Variants in CAST observed in about 807,000 individuals in gnomAD.
The protein encoded by CAST is calpastatin.
CAST carries 76 observed loss-of-function variants against 119.6 expected under a neutral mutation model. That is an observed-to-expected ratio of 0.64 (90% CI 0.53 to 0.77). The LOEUF (loss-of-function observed/expected upper bound fraction) is 0.77. Among genes scored for constraint, CAST ranks in the 30% least tolerant of loss-of-function variants. CAST has a pLI of 0.00. For synonymous variants in CAST, 319 were observed against 331.6 expected, an observed-to-expected ratio of 0.96 and a Z score of 0.41; for missense variants, 953 against 946.5, an observed-to-expected ratio of 1.01 and a Z score of -0.09.
chr5:96,292,094 C>A, the CAST span, among the ~76,000 whole-genome samples: 1 of 152,014 alleles, frequency 6.6e-6, no homozygotes, highest in African/African-American at 2.4e-5. Context: ...GAGGCAAACA[C>A]TGGAAGAAAA....
chr5:96,478,319 C>T, the CAST span, among the ~76,000 whole-genome samples: 4 of 152,212 alleles, frequency 2.6e-5, no homozygotes, highest in East Asian at 7.7e-4. Flanking sequence ...GCATTTCATG[C>T]CTCATTTTAA....
chr5:96,637,265 AGT>A (rs1400132869), intron 1 of CAST, among the ~76,000 whole-genome samples: 1 of 152,226 alleles, frequency 6.6e-6, no homozygotes, highest in Non-Finnish European at 1.5e-5. Flanking sequence ...TATAAGGGGT[AGT>A]TCCATTTCAC....
At chr5:96,696,541 C>T (rs979671217) in intron 3 of CAST, among the ~76,000 whole-genome samples, 9 of 151,998 alleles carry the variant, frequency 5.9e-5, no homozygotes, top group Admixed American at 3.3e-4. Flanking sequence ...CCTCACCTTT[C>T]GAGGCAAGAA....
In CAST at chr5:96,598,162, C is replaced by T. The variant is rs543848843; in HGVS notation, c.60+68282C>T. On this transcript the variant is annotated intron_variant, in intron 1 of 11. Transcript: ENST00000505143. Reference sequence around the variant, plus strand: ...CATACATAACAAAATGGTAGTGCTTCTCTATAAATAAGCTCTGGCTCCTCT... The same window carrying T: ...CATACATAACAAAATGGTAGTGCTTTTCTATAAATAAGCTCTGGCTCCTCT... 3.3e-5 allele frequency among the ~76,000 whole-genome samples: 5 copies of T among 152,322 alleles called. No homozygotes were observed. The East Asian group carries it at 7.7e-4, about 23-fold the overall frequency.
the CAST span, chr5:96,415,961 T>TC: frequency 4.3e-6 from 4 of 935,636 alleles, no homozygotes; most frequent in Non-Finnish European, 7.1e-6. Context: ...AAAGCTCCCC[T>TC]CCCCCATTTA....
the CAST span, among the ~76,000 whole-genome samples, chr5:96,394,336 A>T: frequency 7.9e-5 from 12 of 152,248 alleles, no homozygotes; most frequent in Non-Finnish European, 1.3e-4. Flanking sequence ...ATCCTCTGAA[A>T]TTTTTTGAGA....
the CAST span, among the ~76,000 whole-genome samples, chr5:96,108,113 T>G: frequency 2.6e-5 from 4 of 151,994 alleles, no homozygotes; most frequent in African/African-American, 7.2e-5. Context: ...GTTATTCTAG[T>G]TATACATTCT....
the CAST span, among the ~76,000 whole-genome samples, chr5:96,147,916 G>A: frequency 3.3e-5 from 5 of 152,218 alleles, no homozygotes; most frequent in Admixed American, 3.3e-4. Context: ...CCATCCACAT[G>A]AATCCCACTG....
At chr5:96,326,558 T>G in the CAST span, among the ~76,000 whole-genome samples, 2 of 151,982 alleles carry the variant, frequency 1.3e-5, no homozygotes, top group Non-Finnish European at 2.9e-5. Context: ...CTGTTGATCA[T>G]TCTCTTCACT....
chr5:96,219,822 AAGAAAG>A, the CAST span, among the ~76,000 whole-genome samples: 1 of 152,102 alleles, frequency 6.6e-6, no homozygotes, highest in Non-Finnish European at 1.5e-5. Flanking sequence ...AGAAAAGGAA[AAGAAAG>A]AGAAAGGTAG....
At chr5:96,240,847 A>G in the CAST span, among the ~76,000 whole-genome samples, 1 of 151,362 alleles carries the variant, frequency 6.6e-6, no homozygotes, top group South Asian at 2.1e-4. Flanking sequence ...TCACTACAGA[A>G]CTATTTGCTA....
chr5:96,432,300 A>G, the CAST span: 1 of 626,334 alleles, frequency 1.6e-6, no homozygotes, highest in Non-Finnish European at 2.8e-6. Context: ...CGGCCTCCCA[A>G]CCTCCTGGTC....
At chr5:96,381,712 G>GTTTGC in the CAST span, among the ~76,000 whole-genome samples, 1 of 152,192 alleles carries the variant, frequency 6.6e-6, no homozygotes, top group South Asian at 2.1e-4. Flanking sequence ...TAGGGGAGCT[G>GTTTGC]TTTGCTTTGC....
At chr5:96,754,201 T>C (rs183804946) in intron 21 of CAST, 40 bp downstream of exon 21, 30 of 1,150,798 alleles carry the variant, frequency 2.6e-5, no homozygotes, top group Middle Eastern at 1.9e-4. Flanking sequence ...TAAATATCAT[T>C]GATCACCTTC....
At chr5:96,169,699 C>A in the CAST span, among the ~76,000 whole-genome samples, 1 of 151,814 alleles carries the variant, frequency 6.6e-6, no homozygotes, top group Non-Finnish European at 1.5e-5. Flanking sequence ...GATCGGTCAC[C>A]AAGGAGGGAA....
chr5:96,499,170 C>CT, the CAST span, among the ~76,000 whole-genome samples: 9 of 152,052 alleles, frequency 5.9e-5, no homozygotes, highest in Non-Finnish European at 8.8e-5. Context: ...CCTGCTAAAC[C>CT]TTTTTTAACG....
the CAST span, among the ~76,000 whole-genome samples, chr5:96,018,909 T>G: frequency 6.6e-6 from 1 of 152,154 alleles, no homozygotes; most frequent in East Asian, 1.9e-4. Flanking sequence ...CTACAAGAAG[T>G]TTAAGTAAAT....
intron 1 of CAST, among the ~76,000 whole-genome samples, chr5:96,588,498 C>A (rs186331680): frequency 2.6e-4 from 39 of 152,266 alleles, no homozygotes; most frequent in African/African-American, 8.7e-4. Context: ...CGGTACCCGG[C>A]TTAAATTCAT....
chr5:96,621,220 A>C (rs1305645776), intron 1 of CAST, among the ~76,000 whole-genome samples: 1 of 152,218 alleles, frequency 6.6e-6, no homozygotes, highest in African/African-American at 2.4e-5. Flanking sequence ...TCATTAAAGG[A>C]AATTCACACA....
Sources: allele counts gnomAD v4.1 joint callset (sites outside exome capture counted in the v4.1 genomes callset), GRCh38; gene constraint gnomAD v4.1.1; transcripts MANE v1.5; gene names NCBI Gene and HGNC (gene_info 2026-07-23, HGNC 2026-07-21).